The following IL19 variants were observed in gnomAD, a reference collection of about 807,000 sequenced individuals.
IL19 encodes interleukin-19.
A neutral mutation model predicts 19.5 loss-of-function variants in IL19; 15 were observed. That is an observed-to-expected ratio of 0.77 (90% CI 0.52 to 1.19). The LOEUF (loss-of-function observed/expected upper bound fraction) is 1.19, where lower values mean the gene tolerates loss of function less well. Among genes scored for constraint, IL19 ranks in the 50% most tolerant of loss-of-function variants. IL19 has a pLI of 0.00. For missense variants in IL19, 199 were observed against 213.1 expected (o/e 0.93, Z 0.41); for synonymous variants, 78 against 78.3 (o/e 1.00, Z 0.02).
At chr1:206,786,305 C>T (rs994139600) in intron 1 of IL19, among the ~76,000 whole-genome samples, 3 of 152,234 alleles carry the variant, frequency 2.0e-5, no homozygotes, top group Non-Finnish European at 4.4e-5. Flanking sequence ...GAGACTACTA[C>T]AGCTACTACG....
chr1:206,780,217 C>A (rs1256472862), intron 1 of IL19, among the ~76,000 whole-genome samples: 2 of 152,154 alleles, frequency 1.3e-5, no homozygotes, highest in African/African-American at 4.8e-5. Context: ...GCTATGTGAT[C>A]ATTTGATTGA....
chr1:206,841,905 C>T (rs1677029797), intron 6 of IL19, among the ~76,000 whole-genome samples: 1 of 152,174 alleles, frequency 6.6e-6, no homozygotes, highest in Admixed American at 6.5e-5. Flanking sequence ...ACTAAGTTCA[C>T]ACTGCAACTG....
At chr1:206,831,039 G>A (rs1049684566) in intron 2 of IL19, among the ~76,000 whole-genome samples, 1 of 152,076 alleles carries the variant, frequency 6.6e-6, no homozygotes, top group Admixed American at 6.6e-5. Context: ...AGTCCATGGA[G>A]CCTCATTCCC....
intron 2 of IL19, among the ~76,000 whole-genome samples, chr1:206,802,119 T>G (rs1202843821): frequency 6.6e-6 from 1 of 152,176 alleles, no homozygotes; most frequent in Non-Finnish European, 1.5e-5. Context: ...ACCAGGCCTT[T>G]GCAGAAACTT....
chr1:206,788,331 T>G (rs932882213), intron 1 of IL19, among the ~76,000 whole-genome samples: 8 of 152,228 alleles, frequency 5.3e-5, no homozygotes, highest in Non-Finnish European at 8.8e-5. Flanking sequence ...TTTCCCCTAT[T>G]GCTCTTTGAT....
Position 206,819,451 on chromosome 1 carries a change from G to C in IL19, c.-2-17210G>C, listed in dbSNP as rs1676240693. On this transcript the variant is annotated intron_variant, in intron 2 of 6. Transcript: ENST00000659997. ...ATACAAAAATTAGCCGGGTGTGTTG[G>C]TGTGTGCCTGTAGTTCTAGCTACTC... Among the ~76,000 whole-genome samples the C allele has an allele frequency of 2.0e-5, 3 of 152,080 alleles. No individual in the cohort carries two copies. The South Asian group carries it at 6.2e-4, about 32-fold the overall frequency.
intron 2 of IL19, 61 bp downstream of exon 2, chr1:206,799,067 C>T (rs530501555): frequency 1.8e-6 from 2 of 1,134,892 alleles, no homozygotes; most frequent in East Asian, 4.7e-5. Flanking sequence ...CCAGAGATAT[C>T]CAGTTTATTT....
At chr1:206,776,951 G>A (rs1173726580) in intron 1 of IL19, among the ~76,000 whole-genome samples, 1 of 142,392 alleles carries the variant, frequency 7.0e-6, no homozygotes, top group Admixed American at 7.2e-5. Context: ...TGCCTCCCTT[G>A]TCGGGCACGG....
chr1:206,837,266 A>AG (rs999059854), intron 4 of IL19, among the ~76,000 whole-genome samples: 1 of 152,114 alleles, frequency 6.6e-6, no homozygotes, highest in Non-Finnish European at 1.5e-5. Flanking sequence ...AGGTGCTCAG[A>AG]GGGGACAGGA....
Sources: allele counts gnomAD v4.1 joint callset (sites outside exome capture counted in the v4.1 genomes callset), GRCh38; gene constraint gnomAD v4.1.1; transcripts MANE v1.5; gene names NCBI Gene and HGNC (gene_info 2026-07-23, HGNC 2026-07-21).